WWOX: variants seen among roughly 807,000 people sequenced by gnomAD.
WWOX encodes WW domain-containing oxidoreductase.
A neutral mutation model predicts 46.2 loss-of-function variants in WWOX; 69 were observed. That is an observed-to-expected ratio of 1.49 (90% CI 1.23 to 1.82). The LOEUF (loss-of-function observed/expected upper bound fraction) is 1.82. WWOX is among the 40% of genes most tolerant of loss of function. WWOX has a pLI of 0.00. For synonymous variants in WWOX, 359 were observed against 202.6 expected, an observed-to-expected ratio of 1.77 and a Z score of -6.56; for missense variants, 919 against 542.6, an observed-to-expected ratio of 1.69 and a Z score of -6.89.
At chr16:78,960,180 G>A (rs540876911) in intron 8 of WWOX, among the ~76,000 whole-genome samples, 1 of 152,158 alleles carries the variant, frequency 6.6e-6, no homozygotes, top group Admixed American at 6.5e-5. Context: ...CCATGTTGTG[G>A]TGTAAAAGAT....
intron 4 of WWOX, among the ~76,000 whole-genome samples, chr16:78,145,719 T>G (rs573720063): frequency 1.3e-5 from 2 of 152,298 alleles, no homozygotes; most frequent in South Asian, 2.1e-4. Context: ...AGTAGGCTTC[T>G]TCGTGTTCAC....
chr16:78,781,184 G>A (rs895479783), intron 8 of WWOX, among the ~76,000 whole-genome samples: 5 of 152,204 alleles, frequency 3.3e-5, no homozygotes, highest in Admixed American at 2.6e-4. Context: ...TTGATGGGGT[G>A]TGTTGTGACC....
chr16:79,206,420 C>G (rs150164603), intron 8 of WWOX: 2 of 152,194 alleles, frequency 1.3e-5, no homozygotes, highest in Non-Finnish European at 2.9e-5. Flanking sequence ...GGACGAGTTG[C>G]TTTTGATCTC....
intron 8 of WWOX, among the ~76,000 whole-genome samples, chr16:79,167,756 C>T (rs1194737857): frequency 6.6e-6 from 1 of 152,194 alleles, no homozygotes. Context: ...AGATGAAATT[C>T]ACGTAATATA....
intron 8 of WWOX, among the ~76,000 whole-genome samples, chr16:79,023,509 G>A (rs181162378): frequency 6.6e-6 from 1 of 152,268 alleles, no homozygotes; most frequent in African/African-American, 2.4e-5. Context: ...CAGGAGACTA[G>A]GCATTCATAG....
intron 8 of WWOX, among the ~76,000 whole-genome samples, chr16:78,729,995 A>C (rs2048931022): frequency 1.3e-5 from 2 of 152,170 alleles, no homozygotes; most frequent in Admixed American, 1.3e-4. Context: ...CCACCTTGCA[A>C]CATCATCCTT....
intron 8 of WWOX, among the ~76,000 whole-genome samples, chr16:79,187,054 A>T (rs1020241908): frequency 6.6e-6 from 1 of 152,208 alleles, no homozygotes; most frequent in African/African-American, 2.4e-5. Flanking sequence ...CAGAGCAGGA[A>T]GTAGAATGAC....
chr16:78,713,267 C>CT (rs551610349), intron 8 of WWOX, among the ~76,000 whole-genome samples: 12 of 101,262 alleles, frequency 1.2e-4, no homozygotes, highest in East Asian at 8.6e-4. Flanking sequence ...AAGTGAGACT[C>CT]TGTCTCAAAA....
chr16:78,569,244 G>A (rs951409003), intron 8 of WWOX, among the ~76,000 whole-genome samples: 12 of 152,066 alleles, frequency 7.9e-5, no homozygotes, highest in African/African-American at 2.9e-4. Context: ...GTGCTTCCTT[G>A]TCTCTCTATA....
intron 8 of WWOX, among the ~76,000 whole-genome samples, chr16:78,548,676 T>G (rs1033478088): frequency 2.0e-5 from 3 of 152,226 alleles, no homozygotes; most frequent in Non-Finnish European, 4.4e-5. Context: ...ACAGAAGTGA[T>G]TCCAGGTCAT....
At chr16:78,977,421 C>T (rs766132345) in intron 8 of WWOX, among the ~76,000 whole-genome samples, 11 of 152,114 alleles carry the variant, frequency 7.2e-5, no homozygotes, top group Non-Finnish European at 1.0e-4. Flanking sequence ...ATTCTGTCCT[C>T]GCCCCACAAG....
chr16:79,204,618 G>C (rs1431551741), intron 8 of WWOX: 4 of 152,176 alleles, frequency 2.6e-5, no homozygotes, highest in African/African-American at 9.7e-5. Context: ...TCATGGAAAA[G>C]CTCAGAACAG....
intron 1 of WWOX, among the ~76,000 whole-genome samples, chr16:78,101,777 C>A (rs906732189): frequency 6.6e-5 from 10 of 152,184 alleles, no homozygotes; most frequent in Non-Finnish European, 1.5e-4. Context: ...TGAGTTCATT[C>A]AAGACACACA....
intron 8 of WWOX, among the ~76,000 whole-genome samples, chr16:78,610,704 A>T (rs2045880647): frequency 6.6e-6 from 1 of 152,150 alleles, no homozygotes; most frequent in African/African-American, 2.4e-5. Context: ...TGAGATGTGG[A>T]AAACAGAAAT....
At chr16:78,928,820 G>A (rs1365713322) in intron 8 of WWOX, among the ~76,000 whole-genome samples, 2 of 152,128 alleles carry the variant, frequency 1.3e-5, no homozygotes. Context: ...AAAAAGATAT[G>A]AACTTGAACC....
chr16:78,934,419 G>A (rs760455873), intron 8 of WWOX, among the ~76,000 whole-genome samples: 2 of 148,478 alleles, frequency 1.3e-5, no homozygotes, highest in Non-Finnish European at 3.0e-5. Context: ...TAAAGCAGGA[G>A]GATCACTTGA....
chr16:78,729,420 C>T (rs2048913342), intron 8 of WWOX, among the ~76,000 whole-genome samples: 1 of 151,846 alleles, frequency 6.6e-6, no homozygotes, highest in East Asian at 1.9e-4. Flanking sequence ...CGTGGATATG[C>T]CCTTACTTGG....
At chr16:78,747,694 T>A (rs182201696) in intron 8 of WWOX, among the ~76,000 whole-genome samples, 2 of 152,178 alleles carry the variant, frequency 1.3e-5, no homozygotes, top group African/African-American at 4.8e-5. Flanking sequence ...TACAATTGTT[T>A]CCTCGATTAC....
chr16:78,827,494 G>A (rs972998304), intron 8 of WWOX, among the ~76,000 whole-genome samples: 9 of 151,976 alleles, frequency 5.9e-5, no homozygotes, highest in Non-Finnish European at 8.8e-5. Context: ...CCCATTTTCT[G>A]GCAGGGAGAC....
Sources: gnomAD v4.1 joint callset for allele counts (sites outside exome capture counted in the v4.1 genomes callset) on GRCh38, gnomAD v4.1.1 for gene constraint, MANE v1.5 for transcripts, NCBI Gene and HGNC (gene_info 2026-07-23, HGNC 2026-07-21) for gene names.